The following CYP4X1 variants were observed in gnomAD, a reference collection of about 807,000 sequenced individuals.
CYP4X1 encodes cytochrome P450 4X1.
A neutral mutation model predicts 57.9 loss-of-function variants in CYP4X1; 44 were observed. The observed-to-expected ratio is 0.76, with a 90% confidence interval of 0.60 to 0.98. CYP4X1 has a LOEUF of 0.98. Ranked by LOEUF, CYP4X1 falls within the 50% of genes least tolerant of loss-of-function variation. CYP4X1 has a pLI of 0.00. For missense variants in CYP4X1, 532 were observed against 623.9 expected, an observed-to-expected ratio of 0.85 and a Z score of 1.57; for synonymous variants, 227 against 228.6, an observed-to-expected ratio of 0.99 and a Z score of 0.06.
At chr1:47,050,872 A>G (rs951727731), downstream of CYP4X1, 3 of 152,352 alleles carry the variant, frequency 2.0e-5, no homozygotes, top group South Asian at 2.1e-4. Flanking sequence ...ACAAAAGCCA[A>G]AATTGACAAA....
At chr1:46,967,658 T>A in the CYP4X1 span, 1 of 470,774 alleles carries the variant, frequency 2.1e-6, no homozygotes, top group Non-Finnish European at 3.6e-6. Flanking sequence ...GAAGACAGGG[T>A]GGCAGGTGGA....
At chr1:46,967,767 G>T in the CYP4X1 span, 4 of 1,335,070 alleles carry the variant, frequency 3.0e-6, no homozygotes, top group South Asian at 1.9e-5. Context: ...ATGGTATGCC[G>T]ACCGGGATCC....
At chr1:47,010,875 G>A in the CYP4X1 span, among the ~76,000 whole-genome samples, 6 of 152,148 alleles carry the variant, frequency 3.9e-5, no homozygotes, top group African/African-American at 1.4e-4. Flanking sequence ...TCTTCAAGGA[G>A]AACTACAAAC....
chr1:47,007,437 G>C, the CYP4X1 span, among the ~76,000 whole-genome samples: 1 of 152,138 alleles, frequency 6.6e-6, no homozygotes, highest in Non-Finnish European at 1.5e-5. Flanking sequence ...ACGTCACCAT[G>C]ATCAAAGACC....
the CYP4X1 span, among the ~76,000 whole-genome samples, chr1:47,016,383 C>T: frequency 6.6e-6 from 1 of 150,684 alleles, no homozygotes; most frequent in Non-Finnish European, 1.5e-5. Context: ...GCTCTGTTGC[C>T]CAGGCTGCAG....
chr1:46,978,736 C>T, the CYP4X1 span, among the ~76,000 whole-genome samples: 3 of 151,432 alleles, frequency 2.0e-5, no homozygotes, highest in African/African-American at 7.4e-5. Context: ...TGAAGCACCC[C>T]TTAGCAAATG....
chr1:47,023,093 T>C (rs147347575), upstream of CYP4X1, among the ~76,000 whole-genome samples: 49 of 152,384 alleles, frequency 3.2e-4, no homozygotes, highest in African/African-American at 1.1e-3. Flanking sequence ...CTCGGTTTAA[T>C]GGTCTGTCAT....
At chr1:46,971,587 GT>G in the CYP4X1 span, among the ~76,000 whole-genome samples, 2 of 151,946 alleles carry the variant, frequency 1.3e-5, no homozygotes, top group Non-Finnish European at 1.5e-5. Context: ...ACCATCTGTT[GT>G]TTTTTTGATA....
At chr1:46,992,710 T>C in the CYP4X1 span, among the ~76,000 whole-genome samples, 1 of 152,232 alleles carries the variant, frequency 6.6e-6, no homozygotes, top group Admixed American at 6.5e-5. Context: ...CCATGAACAT[T>C]GGCTCACAAG....
At chr1:46,969,836 T>C in the CYP4X1 span, among the ~76,000 whole-genome samples, 1 of 152,220 alleles carries the variant, frequency 6.6e-6, no homozygotes, top group Non-Finnish European at 1.5e-5. Context: ...AATATAGGAC[T>C]ATGGTACAGA....
intron 9 of CYP4X1, 141 bp downstream of exon 9, chr1:47,046,741 G>A (rs146623813): frequency 1.6e-6 from 2 of 1,227,338 alleles, no homozygotes; most frequent in Non-Finnish European, 2.2e-6. Flanking sequence ...TCACCTATGA[G>A]GAGCTCAGAG....
In CYP4X1 at chr1:47,039,465, C is replaced by A; in HGVS notation, c.1006C>A (p.Pro336Thr). 6.2e-7 allele frequency: 1 copy of A among 1,613,488 alleles called. No homozygotes were observed. The highest frequency in any genetic ancestry group is 8.5e-7 in the Non-Finnish European group (1 of 1,179,730). The change falls in exon 8 of 12, where the codon CCT becomes ACT. Residue 336 changes from proline to threonine, a missense_variant. Pro to Thr is a conservative substitution (Grantham distance 38). Transcript: ENST00000371901. ...GATCCTTTACTGCCTGGCTCTGAAC[C>A]CTGAGCATCAAGAGAGATGCCGGGA... Reference protein sequence around the residue: ...SWILYCLALNPEHQERCREEV... With the variant: ...SWILYCLALNTEHQERCREEV...
the CYP4X1 span, chr1:46,961,654 G>T: frequency 1.5e-6 from 2 of 1,290,628 alleles, no homozygotes; most frequent in South Asian, 2.5e-5. Flanking sequence ...GCTTATCAAG[G>T]TGCCTCCTCT....
chr1:47,018,649 C>T, the CYP4X1 span, among the ~76,000 whole-genome samples: 1 of 152,112 alleles, frequency 6.6e-6, no homozygotes, highest in African/African-American at 2.4e-5. Flanking sequence ...CCTGCTGAAA[C>T]ATAACAATAT....
the CYP4X1 span, among the ~76,000 whole-genome samples, chr1:46,986,894 A>AG: frequency 2.5e-4 from 38 of 152,218 alleles, no homozygotes; most frequent in Non-Finnish European, 5.1e-4. Flanking sequence ...AAACATGGAA[A>AG]AAAAAACCAG....
intron 8 of CYP4X1, among the ~76,000 whole-genome samples, chr1:47,041,167 C>T (rs1644242802): frequency 6.6e-6 from 1 of 151,888 alleles, no homozygotes. Flanking sequence ...ATATATATAC[C>T]ATGTTTTCTT....
the CYP4X1 span, among the ~76,000 whole-genome samples, chr1:46,981,580 C>T: frequency 2.0e-5 from 3 of 152,150 alleles, no homozygotes; most frequent in South Asian, 6.2e-4. Context: ...GTGGTGATTC[C>T]TCAAGGATCT....
the CYP4X1 span, among the ~76,000 whole-genome samples, chr1:46,971,522 A>G: frequency 2.6e-5 from 4 of 152,208 alleles, no homozygotes; most frequent in African/African-American, 9.6e-5. Context: ...TGGTTTAACT[A>G]ATGTACATTC....
chr1:46,995,892 G>A, the CYP4X1 span, among the ~76,000 whole-genome samples: 3 of 152,084 alleles, frequency 2.0e-5, no homozygotes, highest in African/African-American at 7.2e-5. Context: ...TACATCATCC[G>A]GACACTGACA....
Sources: allele counts gnomAD v4.1 joint callset (sites outside exome capture counted in the v4.1 genomes callset), GRCh38; gene constraint gnomAD v4.1.1; transcripts MANE v1.5; gene names NCBI Gene and HGNC (gene_info 2026-07-23, HGNC 2026-07-21).